The following STK32A variants were observed in gnomAD, a reference collection of about 807,000 sequenced individuals.
STK32A encodes serine/threonine-protein kinase 32A.
STK32A carries 41 observed loss-of-function variants against 53.2 expected under a neutral mutation model. The ratio of observed to expected loss-of-function variants is 0.77; its 90% CI spans 0.60 to 1.00. The LOEUF (loss-of-function observed/expected upper bound fraction) is 1.00, where lower values mean the gene tolerates loss of function less well. STK32A is among the 50% of genes least tolerant of loss of function. The pLI is 0.00. For synonymous variants in STK32A, 166 were observed against 162.8 expected (o/e 1.02, Z -0.15); for missense variants, 458 against 485.8 (o/e 0.94, Z 0.54).
At chr5:147,399,358 A>G in the STK32A span, 10 of 1,312,308 alleles carry the variant, frequency 7.6e-6, no homozygotes, top group African/African-American at 1.4e-4. Flanking sequence ...GAAATACAAA[A>G]AGGAGCCACC....
chr5:147,283,206 AC>A, intron 4 of STK32A, among the ~76,000 whole-genome samples: 1 of 152,338 alleles, frequency 6.6e-6, no homozygotes, highest in East Asian at 1.9e-4. Context: ...TGGGTCAAAA[AC>A]AAAATCAAGA....
At chr5:147,356,009 C>T (rs1283286032) in intron 7 of STK32A, among the ~76,000 whole-genome samples, 1 of 151,950 alleles carries the variant, frequency 6.6e-6, no homozygotes, top group South Asian at 2.1e-4. Context: ...ATATAGTGAA[C>T]ATTTATTGTT....
intron 2 of STK32A, among the ~76,000 whole-genome samples, chr5:147,254,967 G>A (rs1754161798): frequency 6.6e-6 from 1 of 152,044 alleles, no homozygotes; most frequent in Non-Finnish European, 1.5e-5. Flanking sequence ...GTGAAACCCC[G>A]TCTCTACTAA....
At chr5:147,257,529 A>T (rs1364416835) in intron 2 of STK32A, among the ~76,000 whole-genome samples, 3 of 152,196 alleles carry the variant, frequency 2.0e-5, no homozygotes. Flanking sequence ...TAGAATAGAT[A>T]AAAGAGAGTT....
chr5:147,325,922 A>AGT (rs1014365470), intron 5 of STK32A, among the ~76,000 whole-genome samples: 1 of 152,188 alleles, frequency 6.6e-6, no homozygotes, highest in Non-Finnish European at 1.5e-5. Context: ...GAAAGAAGGC[A>AGT]GTGACCTTGA....
intron 4 of STK32A, among the ~76,000 whole-genome samples, chr5:147,294,511 G>A (rs1752769256): frequency 6.6e-6 from 1 of 151,896 alleles, no homozygotes; most frequent in Non-Finnish European, 1.5e-5. Flanking sequence ...TTCTATCTTA[G>A]GACAAAATCT....
At chr5:147,239,711 AT>A in intron 2 of STK32A, 25 bp downstream of exon 2, 1 of 1,580,544 alleles carries the variant, frequency 6.3e-7, no homozygotes, top group Non-Finnish European at 8.6e-7. Context: ...ATAGTGGCAT[AT>A]AAAAAATAGA....
the STK32A span, chr5:147,401,748 T>G: frequency 6.2e-7 from 1 of 1,603,618 alleles, no homozygotes; most frequent in Non-Finnish European, 8.5e-7. Flanking sequence ...TATGCTGCAC[T>G]GGGCCAAGCC....
At chr5:147,320,668 T>C (rs1449198752) in intron 4 of STK32A, among the ~76,000 whole-genome samples, 2 of 152,198 alleles carry the variant, frequency 1.3e-5, no homozygotes, top group Non-Finnish European at 2.9e-5. Flanking sequence ...GCATTTAATA[T>C]GGAGTGTTGG....
At chr5:147,350,963 A>G in intron 6 of STK32A, 102 bp from the exon 7 acceptor site, 2 of 946,770 alleles carry the variant, frequency 2.1e-6, no homozygotes, top group Non-Finnish European at 3.4e-6. Flanking sequence ...CAACTGGCCT[A>G]CAAGAATTAA....
intron 2 of STK32A, among the ~76,000 whole-genome samples, chr5:147,256,349 A>G (rs930780360): frequency 1.3e-4 from 20 of 152,156 alleles, no homozygotes; most frequent in Non-Finnish European, 2.5e-4. Context: ...AGGCTGTAGA[A>G]TCCTGGAAAA....
chr5:147,373,394 G>A (rs900638223), intron 10 of STK32A, 100 bp downstream of exon 10: 5 of 1,478,754 alleles, frequency 3.4e-6, no homozygotes, highest in African/African-American at 1.4e-5. Context: ...CACCAGTGTT[G>A]TTAAGAGAGC....
chr5:147,325,222 T>A (rs1754518720), intron 5 of STK32A, among the ~76,000 whole-genome samples: 2 of 152,182 alleles, frequency 1.3e-5, no homozygotes, highest in Non-Finnish European at 2.9e-5. Context: ...AGATTTTAAG[T>A]ACAATTATGT....
chr5:147,251,475 G>A (rs1169948898), intron 2 of STK32A, among the ~76,000 whole-genome samples: 3 of 152,202 alleles, frequency 2.0e-5, no homozygotes, highest in Non-Finnish European at 4.4e-5. Flanking sequence ...TTAAGCCACT[G>A]ACCTTAAGTC....
At chr5:147,249,376 C>G (rs1753884191) in intron 2 of STK32A, among the ~76,000 whole-genome samples, 1 of 152,086 alleles carries the variant, frequency 6.6e-6, no homozygotes. Flanking sequence ...ACAGTAATTG[C>G]TCAATAAATG....
chr5:147,267,420 T>C (rs1754856555), intron 2 of STK32A, among the ~76,000 whole-genome samples: 2 of 152,130 alleles, frequency 1.3e-5, no homozygotes, highest in South Asian at 4.1e-4. Context: ...CAGATTTAAG[T>C]CCAAACCCTG....
intron 5 of STK32A, among the ~76,000 whole-genome samples, chr5:147,327,602 T>A (rs1405853993): frequency 6.6e-6 from 1 of 152,238 alleles, no homozygotes; most frequent in Non-Finnish European, 1.5e-5. Flanking sequence ...AGGCTGCTGT[T>A]TGCTTAGGGT....
intron 2 of STK32A, among the ~76,000 whole-genome samples, chr5:147,260,383 A>T (rs761444884): frequency 6.7e-5 from 10 of 149,916 alleles, no homozygotes; most frequent in Admixed American, 3.3e-4. Flanking sequence ...CCAGCTGCTT[A>T]TGCTGCTGTT....
the STK32A span, chr5:147,397,552 G>A: frequency 5.2e-6 from 6 of 1,149,392 alleles, no homozygotes; most frequent in East Asian, 1.2e-4. Context: ...GACTGTCACT[G>A]AATTTCTCTG....
Sources: gnomAD v4.1 joint callset for allele counts (sites outside exome capture counted in the v4.1 genomes callset) on GRCh38, gnomAD v4.1.1 for gene constraint, MANE v1.5 for transcripts, NCBI Gene and HGNC (gene_info 2026-07-23, HGNC 2026-07-21) for gene names.